The following PDXDC1 variants were observed in gnomAD, a reference collection of about 807,000 sequenced individuals.
The protein encoded by PDXDC1 is pyridoxal-dependent decarboxylase domain-containing protein 1.
PDXDC1 carries 42 observed loss-of-function variants against 100.1 expected under a neutral mutation model. The observed-to-expected ratio is 0.42, with a 90% CI of 0.33 to 0.54. The LOEUF (loss-of-function observed/expected upper bound fraction) is 0.54, where lower values mean the gene tolerates loss of function less well. Ranked by LOEUF, PDXDC1 falls within the 20% of genes least tolerant of loss-of-function variation. PDXDC1 has a pLI of 0.10. For missense variants in PDXDC1, 636 were observed against 979.2 expected (o/e 0.65, Z 4.68); for synonymous variants, 260 against 371.7 (o/e 0.70, Z 3.46).
intron 16 of PDXDC1, among the ~76,000 whole-genome samples, chr16:15,070,520 G>T (rs995771020): frequency 2.0e-5 from 3 of 152,036 alleles, no homozygotes; most frequent in Non-Finnish European, 2.9e-5. Context: ...ATGGAAAGCA[G>T]GTTCTCCTAA....
intron 16 of PDXDC1, chr16:15,076,588 CCCA>C (rs777918094): frequency 3.7e-6 from 6 of 1,612,802 alleles, no homozygotes; most frequent in African/African-American, 1.3e-5. Flanking sequence ...TGGAATCTGT[CCCA>C]CCACAAGTTT....
At chr16:15,065,425 G>C in intron 16 of PDXDC1, 1 of 1,531,500 alleles carries the variant, frequency 6.5e-7, no homozygotes, top group Non-Finnish European at 8.9e-7. Flanking sequence ...GGAGTGACTC[G>C]GTGCAGATGT....
Position 15,035,780 on chromosome 16 carries a change from T to G in PDXDC1, c.2107+227T>G, listed in dbSNP as rs1001438910. On this transcript the variant is annotated intron_variant, in intron 22 of 22. Transcript: ENST00000396410. ...GAAAGATGACATTGTCACTGTGGTGTTTACCCTCCTGGGCGTTTCCTAATG... is the reference window on the plus strand; with the variant it reads ...GAAAGATGACATTGTCACTGTGGTGGTTACCCTCCTGGGCGTTTCCTAATG... 2.0e-5 allele frequency among the ~76,000 whole-genome samples: 3 copies of G among 152,122 alleles called. No homozygotes were observed. The South Asian group carries it at 6.2e-4, about 32-fold the overall frequency.
At chr16:15,005,317 A>AAAG (rs1555551934) in intron 5 of PDXDC1, among the ~76,000 whole-genome samples, 9 of 146,904 alleles carry the variant, frequency 6.1e-5, no homozygotes, top group Non-Finnish European at 7.5e-5. Context: ...AAAAAAAAAA[A>AAAG]AAAGAAAACT....
chr16:15,047,512 C>T (rs745459557), intron 16 of PDXDC1: 10 of 1,614,014 alleles, frequency 6.2e-6, no homozygotes, highest in Middle Eastern at 1.6e-4. Context: ...GCTTTGGTGT[C>T]GGTTCCGTCA....
At chr16:15,027,805 T>A (rs955218553) in intron 14 of PDXDC1, among the ~76,000 whole-genome samples, 1 of 152,294 alleles carries the variant, frequency 6.6e-6, no homozygotes, top group Non-Finnish European at 1.5e-5. Context: ...CACTAGGGTC[T>A]CAGGTTTTTA....
intron 16 of PDXDC1, among the ~76,000 whole-genome samples, chr16:15,083,962 C>T (rs1241095367): frequency 6.6e-6 from 1 of 152,222 alleles, no homozygotes; most frequent in Non-Finnish European, 1.5e-5. Flanking sequence ...GTGATCCGCC[C>T]GCCTCGGCCT....
At chr16:15,006,148 G>C (rs904129866) in intron 5 of PDXDC1, among the ~76,000 whole-genome samples, 2 of 152,274 alleles carry the variant, frequency 1.3e-5, no homozygotes. Context: ...GTCTCTACTT[G>C]TTTTCATAGT....
At chr16:15,122,211 T>G (rs2047457225) in intron 16 of PDXDC1, among the ~76,000 whole-genome samples, 1 of 151,258 alleles carries the variant, frequency 6.6e-6, no homozygotes, top group Non-Finnish European at 1.5e-5. Context: ...ATGACACAAA[T>G]CAAATGACAT....
At chr16:15,125,040 A>C (rs1157832868) in intron 16 of PDXDC1, among the ~76,000 whole-genome samples, 3 of 143,846 alleles carry the variant, frequency 2.1e-5, no homozygotes, top group Non-Finnish European at 4.5e-5. Flanking sequence ...CCAGCTACTC[A>C]GGAGGCTGAG....
chr16:15,038,092 G>C lies in PDXDC1; in HGVS notation c.*1817G>C. 1 of 1,612,446 alleles carries C rather than the reference G, an allele frequency of 6.2e-7. No homozygotes were observed. Among genetic ancestry groups the C allele is most frequent in the Non-Finnish European group, 8.5e-7 (1 of 1,178,642 alleles). ...ATCTTCATTTTTTTTGTAGAGTAGG[G>C]CTTTATTTCCAGAAAACAGTGTGTG... On this transcript the variant is annotated 3_prime_UTR_variant, in exon 23 of 23. Coordinates refer to ENST00000396410, the MANE Select transcript of PDXDC1 (RefSeq NM_015027.4).
At chr16:15,135,976 G>A (rs1207249140) in intron 16 of PDXDC1, 6 of 1,567,962 alleles carry the variant, frequency 3.8e-6, no homozygotes, top group Non-Finnish European at 5.2e-6. Flanking sequence ...ACCCCGGCTG[G>A]TGGGCCCGAG....
intron 16 of PDXDC1, chr16:15,136,156 G>A (rs1359007630): frequency 1.7e-6 from 2 of 1,167,376 alleles, no homozygotes; most frequent in Non-Finnish European, 2.5e-6. Flanking sequence ...GGGATGCCAG[G>A]GGGCTCAGGG....
intron 6 of PDXDC1, among the ~76,000 whole-genome samples, chr16:15,007,028 G>A (rs766465459): frequency 4.6e-5 from 7 of 152,256 alleles, no homozygotes; most frequent in Non-Finnish European, 1.0e-4. Context: ...CCATTTTCAG[G>A]TAATGTTCTT....
intron 1 of PDXDC1, among the ~76,000 whole-genome samples, chr16:14,992,292 ATTATTGAC>A (rs1281771833): frequency 6.6e-6 from 1 of 152,294 alleles, no homozygotes; most frequent in African/African-American, 2.4e-5. Context: ...GCTTCCTGGA[ATTATTGAC>A]TTGTAATTGA....
chr16:15,075,250 C>CAAA (rs56913254), intron 16 of PDXDC1, among the ~76,000 whole-genome samples: 3 of 68,046 alleles, frequency 4.4e-5, no homozygotes, highest in Non-Finnish European at 9.1e-5. Flanking sequence ...TGTGCCCCAC[C>CAAA]AAAAAAAAAA....
chr16:15,104,231 A>C, intron 16 of PDXDC1: 1 of 1,207,384 alleles, frequency 8.3e-7, no homozygotes, highest in Non-Finnish European at 1.1e-6. Context: ...GATTAAAAAA[A>C]CCCCTACGAT....
chr16:14,989,504 C>T, intron 1 of PDXDC1: 1 of 1,612,248 alleles, frequency 6.2e-7, no homozygotes, highest in South Asian at 1.1e-5. Flanking sequence ...GCCCCACAGT[C>T]TGCAGCGCGG....
At chr16:15,019,850 C>T (rs1319734063) in intron 12 of PDXDC1, among the ~76,000 whole-genome samples, 38 of 152,376 alleles carry the variant, frequency 2.5e-4, no homozygotes, top group African/African-American at 7.7e-4. Flanking sequence ...TGGTGGCTCA[C>T]GCCTGTAATT....
Sources: gnomAD v4.1 joint callset for allele counts (sites outside exome capture counted in the v4.1 genomes callset) on GRCh38, gnomAD v4.1.1 for gene constraint, MANE v1.5 for transcripts, NCBI Gene and HGNC (gene_info 2026-07-23, HGNC 2026-07-21) for gene names.